FER1L6: variants seen among roughly 807,000 people sequenced by gnomAD.
FER1L6 encodes fer-1-like protein 6.
In FER1L6, 177 loss-of-function variants were observed where a neutral mutation model predicts 219.2. The observed-to-expected ratio is 0.81, with a 90% confidence interval of 0.71 to 0.91. FER1L6 has a LOEUF of 0.91. Among genes scored for constraint, FER1L6 ranks in the 40% least tolerant of loss-of-function variants. FER1L6 has a pLI of 0.00. For synonymous variants in FER1L6, 768 were observed against 824.3 expected (o/e 0.93, Z 1.17); for missense variants, 2,153 against 2,259.9 (o/e 0.95, Z 0.96).
intron 20 of FER1L6, among the ~76,000 whole-genome samples, chr8:124,043,377 G>A (rs554331486): frequency 1.3e-5 from 2 of 152,270 alleles, no homozygotes; most frequent in South Asian, 4.1e-4. Flanking sequence ...TGATTCTAAA[G>A]CTATACTCTG....
chr8:123,877,116 G>A (rs990826978), intron 1 of FER1L6, among the ~76,000 whole-genome samples: 1 of 152,188 alleles, frequency 6.6e-6, no homozygotes, highest in Non-Finnish European at 1.5e-5. Context: ...TGGTATCGCT[G>A]GTGCCCAGCA....
At chr8:123,963,489 G>A (rs997036820) in intron 3 of FER1L6, 91 bp downstream of exon 3, 33 of 1,441,328 alleles carry the variant, frequency 2.3e-5, no homozygotes, top group East Asian at 2.1e-4. Flanking sequence ...AGAGAGGAGA[G>A]TAAGACATAG....
chr8:124,091,856 A>G (rs1354503726), intron 34 of FER1L6, among the ~76,000 whole-genome samples: 1 of 151,808 alleles, frequency 6.6e-6, no homozygotes, highest in Non-Finnish European at 1.5e-5. Flanking sequence ...AATCCCAGCT[A>G]CTGGGGAGGC....
chr8:124,051,266 C>G lies in FER1L6; in HGVS notation c.2874+1510C>G, dbSNP rs181405881. On this transcript the variant is annotated intron_variant, in intron 22 of 40. Transcript: ENST00000522917. ...ACATTTATTGTTTAAACTACCCAGT[C>G]TATAGAATTCTATTATATAATAGCA... Among the ~76,000 whole-genome samples the G allele has an allele frequency of 2.0e-4, 31 of 152,240 alleles. No individual in the cohort carries two copies. The East Asian group carries it at 6.0e-3, about 29-fold the overall frequency.
chr8:123,970,152 T>C lies in FER1L6; in HGVS notation c.447+55T>C, dbSNP rs73326381. The C allele has an allele frequency of 5.7e-5, 85 of 1,498,204 alleles. No homozygotes were observed. In the African/African-American group the frequency reaches 8.8e-4, roughly 16 times the overall value. 92.8% of individuals were successfully genotyped at this position (1,498,204 alleles called of 1,614,324 possible). On this transcript the variant is annotated intron_variant, in intron 6 of 40. Transcript: ENST00000522917. ...GGAGAGGTGGGAGACATTTTGGGCA[T>C]TGGGGACTCTCTGGGACAACTCAGC...
intron 29 of FER1L6, 25 bp from the exon 30 acceptor site, chr8:124,070,442 A>G: frequency 6.2e-7 from 1 of 1,611,274 alleles, no homozygotes; most frequent in Non-Finnish European, 8.5e-7. Context: ...TCCTCTTAGC[A>G]CAATCTTCTC....
At chr8:123,882,816 T>G (rs1817133469) in intron 1 of FER1L6, among the ~76,000 whole-genome samples, 1 of 152,184 alleles carries the variant, frequency 6.6e-6, no homozygotes, top group Non-Finnish European at 1.5e-5. Context: ...AATGTCATTA[T>G]ACATCAATCC....
intron 20 of FER1L6, among the ~76,000 whole-genome samples, chr8:124,044,912 G>C (rs1819660516): frequency 6.6e-6 from 1 of 152,208 alleles, no homozygotes; most frequent in Non-Finnish European, 1.5e-5. Flanking sequence ...TTCTAGGCAA[G>C]ATGCTCATGG....
rs758551499 is a variant in FER1L6, at chr8:124,097,321, T to G, written c.4746T>G (p.Pro1582=). 1 of 1,613,546 alleles carries G rather than the reference T, an allele frequency of 6.2e-7. No individual in the cohort carries two copies. Among genetic ancestry groups the G allele is most frequent in the Non-Finnish European group, 8.5e-7 (1 of 1,179,658 alleles). ...TGTTTCCCAAGGATATGCCTCAACC[T>G]GGACCTCCTGTTGACATCTCTCCAA... is the stretch of plus-strand genomic sequence containing the variant. ...VDMFPKDMPQ[P]GPPVDISPRR... The change falls in exon 36 of 41, where the codon CCT becomes CCG. Residue 1582 remains proline (P), a synonymous_variant. Transcript: ENST00000522917.
At chr8:123,927,111 G>A (rs1377364369) in intron 1 of FER1L6, among the ~76,000 whole-genome samples, 1 of 151,206 alleles carries the variant, frequency 6.6e-6, no homozygotes, top group Middle Eastern at 3.2e-3. Context: ...GAACACTGGA[G>A]CCCAGAGAAC....
At chr8:124,023,254 C>A (rs1247190242) in intron 17 of FER1L6, among the ~76,000 whole-genome samples, 190 bp from the exon 18 acceptor site, 3 of 152,222 alleles carry the variant, frequency 2.0e-5, no homozygotes, top group Non-Finnish European at 4.4e-5. Flanking sequence ...AAGGCTTTCT[C>A]TTCTCTAGGA....
At chr8:124,021,798 C>A (rs1586601534) in intron 17 of FER1L6, 129 bp downstream of exon 17, 2 of 1,000,336 alleles carry the variant, frequency 2.0e-6, no homozygotes, top group East Asian at 2.5e-5. Context: ...GCTACGCAGG[C>A]ACTCCTAGTT....
chr8:123,993,748 C>G (rs1000879521), intron 12 of FER1L6, among the ~76,000 whole-genome samples: 1 of 152,148 alleles, frequency 6.6e-6, no homozygotes, highest in African/African-American at 2.4e-5. Context: ...GTCTAGCCAC[C>G]CAGAGGGGCT....
At chr8:123,973,540 A>C (rs10102622) in intron 7 of FER1L6, 28 bp downstream of exon 7, 572,307 of 1,556,640 alleles carry the variant, frequency 0.37, 108,033 homozygotes, top group Non-Finnish European at 0.39. Flanking sequence ...CCCCATCTGT[A>C]TCTCACTTGT....
At chr8:123,966,378 G>C in intron 5 of FER1L6, 88 bp downstream of exon 5, 1 of 1,522,972 alleles carries the variant, frequency 6.6e-7, no homozygotes, top group Non-Finnish European at 8.9e-7. Context: ...AAAGAGCTGT[G>C]CCCCTCCTGC....
rs1823011158 is a variant in FER1L6 at position 124,111,212 on chromosome 8, CCATTTT to C, written c.5290-7629_5290-7624del. On this transcript the variant is annotated intron_variant, in intron 39 of 40. Transcript: ENST00000522917. This position sits in a 1 kb window ranked among gnomAD's most constrained non-coding sequence, Gnocchi z 5.0. ...AGAAAAGGGGGAAGGAAATCTCTTC[CCATTTT>C]CAACAGGGAGAACTAAGCCTCTCAT... Among the ~76,000 whole-genome samples, 1 of 152,178 alleles carries C rather than the reference CCATTTT, an allele frequency of 6.6e-6. No individual in the cohort carries two copies. The highest frequency in any genetic ancestry group is 1.5e-5 in the Non-Finnish European group (1 of 68,028).
intron 18 of FER1L6, among the ~76,000 whole-genome samples, chr8:124,028,268 G>A (rs1586610099): frequency 1.3e-5 from 2 of 152,194 alleles, no homozygotes; most frequent in East Asian, 1.9e-4. Flanking sequence ...AATTGCTCTG[G>A]GCAGTAGCTT....
Position 123,864,976 on chromosome 8 carries a change from C to T in FER1L6, c.-8+12791C>T, listed in dbSNP as rs1485233730. Among the ~76,000 whole-genome samples, 4 of 151,284 alleles carry T rather than the reference C, an allele frequency of 2.6e-5. No homozygotes were observed. In the East Asian group the frequency reaches 5.8e-4, roughly 22 times the overall value. On this transcript the variant is annotated intron_variant, in intron 1 of 40. Coordinates refer to ENST00000522917, the MANE Select transcript of FER1L6 (RefSeq NM_001039112.2). ...TTGATCGTCTGAAGCCTTCCTCTCT[C>T]AGCTCCTCAAAATCATTCTCCATCC... is the stretch of plus-strand genomic sequence containing the variant.
rs140895552 is a variant in FER1L6, at chr8:124,087,136, T to C, written c.4392-4287T>C. Reference sequence around the variant, plus strand: ...GAATATTGATATCTTTCTCTTGGTTTCTTATTATCTCTTTGAATAAACTTT... The same window carrying C: ...GAATATTGATATCTTTCTCTTGGTTCCTTATTATCTCTTTGAATAAACTTT... On this transcript the variant is annotated intron_variant, in intron 33 of 40. Transcript: ENST00000522917. Among the ~76,000 whole-genome samples, 688 of 152,064 alleles carry C rather than the reference T, an allele frequency of 4.5e-3. 6 individuals carry two copies. The highest frequency in any genetic ancestry group is 6.8e-3 in the Non-Finnish European group (460 of 68,004).
Sources: allele counts gnomAD v4.1 joint callset (sites outside exome capture counted in the v4.1 genomes callset), GRCh38; gene constraint gnomAD v4.1.1; non-coding constraint Gnocchi (gnomAD v3.1); transcripts MANE v1.5; gene names NCBI Gene and HGNC (gene_info 2026-07-23, HGNC 2026-07-21).